The following FER variants were observed in gnomAD, a reference collection of about 807,000 sequenced individuals.
The protein encoded by FER is tyrosine-protein kinase Fer.
Under a neutral mutation model 111.0 loss-of-function variants are expected in FER, and 63 were observed. The observed-to-expected ratio is 0.57, with a 90% CI of 0.46 to 0.70. FER has a LOEUF of 0.70. Among genes scored for constraint, FER ranks in the 30% least tolerant of loss-of-function variants. FER has a pLI of 0.00. For synonymous variants in FER, 327 were observed against 313.9 expected (o/e 1.04, Z -0.44); for missense variants, 914 against 954.0 (o/e 0.96, Z 0.55).
chr5:109,120,286 C>A (rs1750800652), intron 17 of FER, among the ~76,000 whole-genome samples: 1 of 151,926 alleles, frequency 6.6e-6, no homozygotes, highest in African/African-American at 2.4e-5. Flanking sequence ...TTGTATATGG[C>A]AAGAGATATG....
rs1443208122 is a variant in FER at position 109,194,198 on chromosome 5, C to T, written c.*6623C>T. 4 of 152,322 alleles carry T rather than the reference C, an allele frequency of 2.6e-5. No individual in the cohort carries two copies. The East Asian group carries it at 7.7e-4, about 29-fold the overall frequency. 9.4% of individuals were successfully genotyped at this position (152,322 alleles called of 1,614,324 possible). A position where few individuals can be genotyped will look rare whatever the true frequency, so the allele number is the denominator to read the frequency against. On this transcript the variant is annotated 3_prime_UTR_variant, in exon 20 of 20. Coordinates refer to ENST00000281092, the MANE Select transcript of FER (RefSeq NM_005246.4). ...GGACATACTCAGTTCTTCCATTCCA[C>T]TGTTCTATTGCCAATACCTTTTGTT...
intron 18 of FER, among the ~76,000 whole-genome samples, chr5:109,182,720 GTA>G (rs2126866455): frequency 6.6e-6 from 1 of 152,242 alleles, no homozygotes; most frequent in East Asian, 1.9e-4. Context: ...CTTGATCACG[GTA>G]TAGTTTTTGA....
At chr5:108,833,987 A>G (rs193206484) in intron 4 of FER, among the ~76,000 whole-genome samples, 43 of 143,522 alleles carry the variant, frequency 3.0e-4, no homozygotes, top group Admixed American at 7.6e-4. Context: ...GTTTTTTTAT[A>G]GTTGGTTGGT....
chr5:108,966,449 A>G (rs1311813990), intron 13 of FER, among the ~76,000 whole-genome samples: 1 of 140,546 alleles, frequency 7.1e-6, no homozygotes, highest in Non-Finnish European at 1.5e-5. Context: ...GTGCAGTGGC[A>G]TGATCTCAGC....
intron 17 of FER, among the ~76,000 whole-genome samples, chr5:109,142,447 A>G (rs1371230748): frequency 1.3e-5 from 2 of 152,070 alleles, no homozygotes; most frequent in African/African-American, 4.8e-5. Flanking sequence ...CATCTGGAAA[A>G]TTTTCATCAA....
chr5:108,873,158 A>G (rs950474553), intron 8 of FER, among the ~76,000 whole-genome samples: 1 of 151,852 alleles, frequency 6.6e-6, no homozygotes, highest in African/African-American at 2.4e-5. Flanking sequence ...TTTCATTTTA[A>G]TTTTGAGATG....
chr5:109,104,804 G>A (rs984896106), intron 17 of FER, among the ~76,000 whole-genome samples: 5 of 151,780 alleles, frequency 3.3e-5, no homozygotes, highest in South Asian at 2.1e-4. Flanking sequence ...GTGCAGTGGC[G>A]CCATCTCGGC....
chr5:108,750,017 G>A (rs1157750390), intron 1 of FER, among the ~76,000 whole-genome samples: 1 of 152,132 alleles, frequency 6.6e-6, no homozygotes, highest in East Asian at 1.9e-4. Flanking sequence ...TAAAAAAAGA[G>A]CAGCTTTTTA....
intron 10 of FER, among the ~76,000 whole-genome samples, chr5:108,944,700 GA>G (rs1354451753): frequency 1.1e-4 from 17 of 151,832 alleles, no homozygotes; most frequent in Non-Finnish European, 1.9e-4. Flanking sequence ...TTTATTTGTA[GA>G]AATCTGGGCA....
At chr5:108,760,414 C>T (rs534504492) in intron 1 of FER, among the ~76,000 whole-genome samples, 35 of 152,184 alleles carry the variant, frequency 2.3e-4, no homozygotes, top group Non-Finnish European at 4.0e-4. Context: ...TGAAGTCACG[C>T]ATTAACTTTT....
chr5:109,065,103 A>G (rs186909992), intron 16 of FER, among the ~76,000 whole-genome samples: 6 of 152,318 alleles, frequency 3.9e-5, no homozygotes, highest in Non-Finnish European at 8.8e-5. Context: ...TGTTTTTACA[A>G]ATAGGTTTTC....
chr5:108,794,520 C>T (rs1755769021), intron 2 of FER, among the ~76,000 whole-genome samples: 1 of 38,892 alleles, frequency 2.6e-5, no homozygotes, highest in Admixed American at 3.6e-4. Flanking sequence ...TGCTTGCCCC[C>T]TCCGCACCCC....
rs5870331 is a variant in FER, at chr5:108,827,822, CTTTTTTTTTTT to C, written c.208-4939_208-4929del. On this transcript the variant is annotated intron_variant, in intron 3 of 19. Transcript: ENST00000281092. ...AATATTTAACAGATGGAGTTAGTAT[CTTTTTTTTTTT>C]TTTTTTTTCCCCCAAGACAGGCTCT... Among the ~76,000 whole-genome samples, 9 of 121,612 alleles carry C rather than the reference CTTTTTTTTTTT, an allele frequency of 7.4e-5. 1 individual carries two copies. The highest frequency in any genetic ancestry group is 2.5e-4 in the African/African-American group (8 of 31,630). The allele number at this position is 121,612 out of a possible 152,430, so 79.8% of individuals were successfully genotyped here.
intron 13 of FER, among the ~76,000 whole-genome samples, chr5:108,973,711 C>T (rs999242756): frequency 1.3e-5 from 2 of 152,142 alleles, no homozygotes; most frequent in Non-Finnish European, 2.9e-5. Context: ...CTCATCTTCA[C>T]ACCATAGCTC....
In FER at chr5:108,803,760, C is replaced by T. The variant is rs114090463; in HGVS notation, c.207+5371C>T. 8.7e-3 allele frequency among the ~76,000 whole-genome samples: 1,326 copies of T among 151,940 alleles called. 4 individuals are homozygous for T. Among genetic ancestry groups the T allele is most frequent in the Middle Eastern group, 0.017 (5 of 294 alleles). On this transcript the variant is annotated intron_variant, in intron 3 of 19. Coordinates refer to ENST00000281092, the MANE Select transcript of FER (RefSeq NM_005246.4). ...AGCTTTATAGTATAGTTTGAACTTGCGTAACATCAAGCCACTGGCTTTGTT... is the reference window on the plus strand; with the variant it reads ...AGCTTTATAGTATAGTTTGAACTTGTGTAACATCAAGCCACTGGCTTTGTT...
chr5:108,950,172 G>A (rs1166167367), intron 11 of FER, among the ~76,000 whole-genome samples: 5 of 152,126 alleles, frequency 3.3e-5, no homozygotes, highest in Admixed American at 3.3e-4. Context: ...GGAAGCTGTG[G>A]AGGTAACCTG....
chr5:109,139,568 C>G (rs1432165738), intron 17 of FER, among the ~76,000 whole-genome samples: 1 of 151,930 alleles, frequency 6.6e-6, no homozygotes, highest in African/African-American at 2.4e-5. Context: ...TTGACTATGA[C>G]TTCATTTTCA....
At chr5:108,861,288 T>G (rs1189584854) in intron 5 of FER, among the ~76,000 whole-genome samples, 1 of 152,232 alleles carries the variant, frequency 6.6e-6, no homozygotes, top group Admixed American at 6.5e-5. Context: ...AAGTGACTTT[T>G]TAGACTAGCT....
intron 17 of FER, among the ~76,000 whole-genome samples, chr5:109,171,447 G>A (rs1031290312): frequency 6.6e-6 from 1 of 152,184 alleles, no homozygotes; most frequent in African/African-American, 2.4e-5. Context: ...TAGTATGCAT[G>A]AAGTTGAGTA....
Sources: allele counts gnomAD v4.1 joint callset (sites outside exome capture counted in the v4.1 genomes callset), GRCh38; gene constraint gnomAD v4.1.1; transcripts MANE v1.5; gene names NCBI Gene and HGNC (gene_info 2026-07-23, HGNC 2026-07-21).